The following TMEM131L variants were observed in gnomAD, a reference collection of about 807,000 sequenced individuals.
TMEM131L encodes transmembrane 131 like.
A neutral mutation model predicts 192.2 loss-of-function variants in TMEM131L; 54 were observed. The observed-to-expected ratio is 0.28, with a 90% CI of 0.23 to 0.35. The LOEUF (loss-of-function observed/expected upper bound fraction) is 0.35, where lower values mean the gene tolerates loss of function less well. TMEM131L is among the 10% of genes least tolerant of loss of function. TMEM131L has a pLI of 1.00. For missense variants in TMEM131L, 1,888 were observed against 1,972.9 expected (o/e 0.96, Z 0.82); for synonymous variants, 701 against 704.9 (o/e 0.99, Z 0.09).
chr4:153,510,019 AG>A (rs527479173), intron 3 of TMEM131L, among the ~76,000 whole-genome samples: 46 of 152,362 alleles, frequency 3.0e-4, no homozygotes, highest in African/African-American at 1.0e-3. Context: ...TCATTTTAAA[AG>A]CCCATCTGAT....
rs770350647 is a variant in TMEM131L, at chr4:153,555,802, T to C, written c.324T>C (p.Pro108=). The C allele has an allele frequency of 1.3e-6, 2 of 1,551,596 alleles. No homozygotes were observed. ...LDFGIQFLGH[P]VAKILHAYNP... Reference sequence around the variant, plus strand: ...CTCCTCCTAGGTTCCTGGGACATCCTGTAGCAAAGATTCTCCATGCTTACA... The same window carrying C: ...CTCCTCCTAGGTTCCTGGGACATCCCGTAGCAAAGATTCTCCATGCTTACA... The change falls in exon 5 of 35, where the codon CCT becomes CCC. Residue 108 remains proline (P), a synonymous_variant. Transcript: ENST00000409959. The surrounding 1 kb of genome is among the most constrained non-coding windows in gnomAD (Gnocchi z 4.1).
intron 19 of TMEM131L, among the ~76,000 whole-genome samples, chr4:153,594,523 A>G (rs547131732): frequency 6.6e-6 from 1 of 152,356 alleles, no homozygotes; most frequent in Admixed American, 6.5e-5. Flanking sequence ...TTTGAGATCA[A>G]TTCAAAAGTG....
At chr4:153,481,338 G>A (rs1021945627) in intron 3 of TMEM131L, among the ~76,000 whole-genome samples, 4 of 152,170 alleles carry the variant, frequency 2.6e-5, no homozygotes, top group Non-Finnish European at 4.4e-5. Context: ...ACACCTGGGT[G>A]AAGAGCTGAA....
At chr4:153,618,525 A>G (rs1578877798) in intron 26 of TMEM131L, among the ~76,000 whole-genome samples, 1 of 151,866 alleles carries the variant, frequency 6.6e-6, no homozygotes, top group Admixed American at 6.6e-5. Flanking sequence ...ATAACTCAAT[A>G]ATAATGATGA....
At position 153,583,241 on chromosome 4, in the gene TMEM131L, G is replaced by T; in HGVS notation, c.944G>T (p.Trp315Leu). 1 of 1,410,460 alleles carries T rather than the reference G, an allele frequency of 7.1e-7. No homozygotes were observed. Among genetic ancestry groups the T allele is most frequent in the South Asian group, 1.2e-5 (1 of 86,676 alleles). The allele number at this position is 1,410,460 out of a possible 1,614,324, so 87.4% of individuals were successfully genotyped here. A position where few individuals can be genotyped will look rare whatever the true frequency, so the allele number is the denominator to read the frequency against. Residue 315 changes from tryptophan to leucine, a missense_variant, in exon 10 of 35, where the codon TGG becomes TTG. Transcript: ENST00000409959. Reference sequence around the variant, plus strand: ...TTACATTCAGGAAACAGCCTTATATGGATACAGGTAATTGTAAATGCTTAC... The same window carrying T: ...TTACATTCAGGAAACAGCCTTATATTGATACAGGTAATTGTAAATGCTTAC... ...YILHSGNSLI[W>L]IQDIRHFSQR...
At chr4:153,578,667 C>T (rs1308703419) in intron 7 of TMEM131L, among the ~76,000 whole-genome samples, 1 of 152,050 alleles carries the variant, frequency 6.6e-6, no homozygotes. Context: ...ACTACAGGCA[C>T]CCGCCACCAC....
intron 7 of TMEM131L, among the ~76,000 whole-genome samples, chr4:153,570,359 G>T (rs998990079): frequency 1.3e-5 from 2 of 152,132 alleles, no homozygotes; most frequent in African/African-American, 2.4e-5. Flanking sequence ...CTTGGTTTCC[G>T]CTTGAATTCA....
chr4:153,564,287 CAAAAAAAAAAAAAAAAA>C (rs1178320668), intron 7 of TMEM131L, among the ~76,000 whole-genome samples: 2 of 17,652 alleles, frequency 1.1e-4, no homozygotes, highest in African/African-American at 2.8e-4. Context: ...AACTCCGTCT[CAAAAAAAAAAAAAAAAA>C]AAAAAAAAAA....
chr4:153,494,225 G>A (rs559659751), intron 3 of TMEM131L, among the ~76,000 whole-genome samples: 2 of 152,282 alleles, frequency 1.3e-5, no homozygotes, highest in South Asian at 2.1e-4. Flanking sequence ...ATATCAAGGT[G>A]TGTGCGTGCT....
At chr4:153,570,236 A>T (rs530765623) in intron 7 of TMEM131L, among the ~76,000 whole-genome samples, 1 of 152,316 alleles carries the variant, frequency 6.6e-6, no homozygotes, top group East Asian at 1.9e-4. Flanking sequence ...ATCCAAAAAA[A>T]TTGGAAAACG....
intron 2 of TMEM131L, among the ~76,000 whole-genome samples, chr4:153,470,986 T>C (rs1253586245): frequency 7.4e-6 from 1 of 135,544 alleles, no homozygotes; most frequent in Non-Finnish European, 1.5e-5. Flanking sequence ...TTTTTTTGTT[T>C]GTTTTCTTTT....
chr4:153,559,006 C>G (rs1728678886), intron 7 of TMEM131L, among the ~76,000 whole-genome samples: 1 of 152,148 alleles, frequency 6.6e-6, no homozygotes, highest in Admixed American at 6.5e-5. Flanking sequence ...GAGAAAAGCT[C>G]TTGAACCAAT....
Position 153,580,852 on chromosome 4 carries a change from G to A in TMEM131L, c.687G>A (p.Leu229=), listed in dbSNP as rs1269570991. The A allele has an allele frequency of 1.9e-6, 3 of 1,612,474 alleles. No individual in the cohort carries two copies. The Admixed American group carries it at 5.0e-5, about 27-fold the overall frequency. The change falls in exon 8 of 35, where the codon TTG becomes TTA. Residue 229 remains leucine, a synonymous_variant. Transcript: ENST00000409959. ...CAGAAACCACTAATACTAGCCTCTT[G>A]CAGGTGCAACTGGAATGCAGTTTAC... is the stretch of plus-strand genomic sequence containing the variant. ...MQAETTNTSL[L]QVQLECSLHN...
At chr4:153,596,234 A>T (rs756235914) in intron 19 of TMEM131L, 24 bp from the exon 20 acceptor site, 3 of 1,612,414 alleles carry the variant, frequency 1.9e-6, no homozygotes, top group Admixed American at 3.3e-5. Flanking sequence ...GGAGTATGAC[A>T]TGGTTTAATT....
intron 10 of TMEM131L, 65 bp from the exon 11 acceptor site, chr4:153,583,499 C>G (rs1183987115): frequency 6.4e-6 from 7 of 1,091,598 alleles, no homozygotes; most frequent in Non-Finnish European, 9.9e-6. Flanking sequence ...TCTAACGGTT[C>G]ATTCAAACTG....
At chr4:153,501,977 A>G (rs1262154041) in intron 3 of TMEM131L, among the ~76,000 whole-genome samples, 4 of 135,718 alleles carry the variant, frequency 2.9e-5, no homozygotes, top group Non-Finnish European at 4.6e-5. Flanking sequence ...AAATGGAGAC[A>G]GAGTCTTGCT....
At chr4:153,500,049 C>CTCCCTTCCGT (rs561132893) in intron 3 of TMEM131L, among the ~76,000 whole-genome samples, 29 of 151,930 alleles carry the variant, frequency 1.9e-4, no homozygotes, top group Admixed American at 5.9e-4. Context: ...TCCTCCCTTC[C>CTCCCTTCCGT]TCCCTTCCGT....
At chr4:153,622,090 A>G (rs887918023) in intron 28 of TMEM131L, among the ~76,000 whole-genome samples, 6 of 152,170 alleles carry the variant, frequency 3.9e-5, no homozygotes, top group African/African-American at 1.4e-4. Flanking sequence ...AACTATCCTC[A>G]GGCATATTGC....
At chr4:153,539,629 C>T (rs1459320584) in intron 3 of TMEM131L, among the ~76,000 whole-genome samples, 4 of 151,102 alleles carry the variant, frequency 2.6e-5, no homozygotes, top group African/African-American at 9.7e-5. Context: ...GTATTGTGCT[C>T]GACTGTAACA....
Sources: gnomAD v4.1 joint callset for allele counts (sites outside exome capture counted in the v4.1 genomes callset) on GRCh38, gnomAD v4.1.1 for gene constraint, Gnocchi (gnomAD v3.1) non-coding constraint, MANE v1.5 for transcripts, NCBI Gene and HGNC (gene_info 2026-07-23, HGNC 2026-07-21) for gene names.